The following RAB7A variants were observed in gnomAD, a reference collection of about 807,000 sequenced individuals.
RAB7A encodes the protein ras-related protein Rab-7a.
Under a neutral mutation model 24.5 loss-of-function variants are expected in RAB7A, and 2 were observed. The ratio of observed to expected loss-of-function variants is 0.08; its 90% CI spans 0.03 to 0.26. The LOEUF is 0.26. Among genes scored for constraint, RAB7A ranks in the 10% least tolerant of loss-of-function variants. The pLI is 1.00. For synonymous variants in RAB7A, 100 were observed against 95.9 expected (o/e 1.04, Z -0.25); for missense variants, 118 against 255.7 (o/e 0.46, Z 3.67).
chr3:128,755,154 A>C (rs1304359117), intron 1 of RAB7A, among the ~76,000 whole-genome samples: 1 of 152,188 alleles, frequency 6.6e-6, no homozygotes, highest in East Asian at 1.9e-4. Context: ...TACGATACCA[A>C]GTATTTTCTT....
chr3:128,789,426 C>G (rs1933407513), intron 1 of RAB7A, among the ~76,000 whole-genome samples: 1 of 151,258 alleles, frequency 6.6e-6, no homozygotes, highest in Non-Finnish European at 1.5e-5. Context: ...ACCTCTGCCT[C>G]CTGGGTTCAA....
chr3:128,726,447 C>T (rs566666361), intron 1 of RAB7A, 88 bp downstream of exon 1: 82 of 152,656 alleles, frequency 5.4e-4, no homozygotes, highest in Admixed American at 1.4e-3. Context: ...CCTCCCTGTC[C>T]TCCTGGGCAG....
At chr3:128,746,775 C>T (rs1358735699) in intron 1 of RAB7A, among the ~76,000 whole-genome samples, 5 of 151,676 alleles carry the variant, frequency 3.3e-5, no homozygotes, top group Admixed American at 6.6e-5. Context: ...GTGATCCACC[C>T]GCCTTGGCCT....
At chr3:128,798,493 G>A (rs1015296983) in intron 3 of RAB7A, 26 of 189,088 alleles carry the variant, frequency 1.4e-4, no homozygotes, top group African/African-American at 6.2e-4. Context: ...TATTTCATAC[G>A]TAACTTCAAG....
chr3:128,733,697 A>T (rs1196255461), intron 1 of RAB7A, among the ~76,000 whole-genome samples: 1 of 152,110 alleles, frequency 6.6e-6, no homozygotes, highest in Non-Finnish European at 1.5e-5. Flanking sequence ...CACCAGTCGT[A>T]TTGGATTGAG....
At chr3:128,741,688 CTT>C (rs775950704) in intron 1 of RAB7A, among the ~76,000 whole-genome samples, 5 of 152,040 alleles carry the variant, frequency 3.3e-5, no homozygotes, top group Non-Finnish European at 7.4e-5. Flanking sequence ...CTGGCTGTGT[CTT>C]TTGTTTTTTA....
At chr3:128,780,344 A>AT (rs1252338438) in intron 1 of RAB7A, among the ~76,000 whole-genome samples, 2 of 152,158 alleles carry the variant, frequency 1.3e-5, no homozygotes, top group African/African-American at 4.8e-5. Context: ...CCAGCAGGCC[A>AT]TTTTTTTCAA....
At chr3:128,774,906 G>A (rs1173460459) in intron 1 of RAB7A, among the ~76,000 whole-genome samples, 1 of 151,914 alleles carries the variant, frequency 6.6e-6, no homozygotes, top group Non-Finnish European at 1.5e-5. Context: ...TCAGCCTCCC[G>A]TATGGCTGGG....
chr3:128,774,660 G>A (rs1254353120), intron 1 of RAB7A, among the ~76,000 whole-genome samples: 2 of 152,126 alleles, frequency 1.3e-5, no homozygotes, highest in Admixed American at 6.5e-5. Context: ...TGCAAGCTCC[G>A]CTCCCGGGTT....
At chr3:128,792,815 A>AT (rs869135092) in intron 1 of RAB7A, among the ~76,000 whole-genome samples, 1 of 133,232 alleles carries the variant, frequency 7.5e-6, no homozygotes, top group Non-Finnish European at 1.6e-5. Context: ...CACCGAGCTA[A>AT]TTTTTATTTA....
chr3:128,813,796 TAC>T lies in RAB7A; in HGVS notation c.*376_*377del. The T allele has an allele frequency of 3.0e-6, 1 of 334,776 alleles. No homozygotes were observed. The highest frequency in any genetic ancestry group is 5.9e-6 in the Non-Finnish European group (1 of 169,424). The allele number at this position is 334,776 out of a possible 1,614,324, so 20.7% of individuals were successfully genotyped here. ...TTCACTGGAGAGAGAGAGAACTGTT[TAC>T]AGTTAATCTGTGTCTAATTATCTGA... On this transcript the variant is annotated 3_prime_UTR_variant, in exon 6 of 6. Transcript: ENST00000265062.
At chr3:128,791,004 TC>T (rs1265185206) in intron 1 of RAB7A, among the ~76,000 whole-genome samples, 3 of 152,202 alleles carry the variant, frequency 2.0e-5, no homozygotes, top group Non-Finnish European at 4.4e-5. Context: ...TTATTCAAAT[TC>T]TTTTTTTCTC....
intron 1 of RAB7A, among the ~76,000 whole-genome samples, chr3:128,753,014 A>G (rs961100989): frequency 1.7e-4 from 26 of 152,232 alleles, no homozygotes; most frequent in Admixed American, 6.5e-5. Context: ...ATAAGACACA[A>G]TTGGGTACAT....
At chr3:128,782,842 G>A (rs1933249678) in intron 1 of RAB7A, among the ~76,000 whole-genome samples, 1 of 152,126 alleles carries the variant, frequency 6.6e-6, no homozygotes, top group South Asian at 2.1e-4. Context: ...ACTTATTGTT[G>A]TTGCTGCTTC....
chr3:128,741,132 T>C (rs1240027172), intron 1 of RAB7A, among the ~76,000 whole-genome samples: 1 of 152,146 alleles, frequency 6.6e-6, no homozygotes, highest in Non-Finnish European at 1.5e-5. Flanking sequence ...AATTGGCTTT[T>C]GTTCTCTAAA....
intron 1 of RAB7A, among the ~76,000 whole-genome samples, chr3:128,737,827 T>TTTG (rs2070506959): frequency 4.9e-5 from 3 of 61,468 alleles, no homozygotes; most frequent in Non-Finnish European, 1.0e-4. Context: ...TTTTTGTAGT[T>TTTG]TTTTTTTTTT....
chr3:128,761,258 CTGA>C (rs1324006329), intron 1 of RAB7A, among the ~76,000 whole-genome samples: 1 of 152,162 alleles, frequency 6.6e-6, no homozygotes, highest in East Asian at 1.9e-4. Context: ...GGTTAGATTC[CTGA>C]TCACCTCTAA....
intron 5 of RAB7A, among the ~76,000 whole-genome samples, chr3:128,812,745 G>A (rs1933952801): frequency 6.6e-6 from 1 of 152,148 alleles, no homozygotes; most frequent in East Asian, 1.9e-4. Flanking sequence ...GCAGCATTTG[G>A]GAGACAAAAC....
At chr3:128,775,447 C>T (rs921111791) in intron 1 of RAB7A, among the ~76,000 whole-genome samples, 1 of 152,230 alleles carries the variant, frequency 6.6e-6, no homozygotes, top group African/African-American at 2.4e-5. Flanking sequence ...TTCTTAGTAG[C>T]AGTGCCGTAC....
Sources: gnomAD v4.1 joint callset for allele counts (sites outside exome capture counted in the v4.1 genomes callset) on GRCh38, gnomAD v4.1.1 for gene constraint, MANE v1.5 for transcripts, NCBI Gene and HGNC (gene_info 2026-07-23, HGNC 2026-07-21) for gene names.